TBC1D12: variants seen among roughly 807,000 people sequenced by gnomAD.
TBC1D12 encodes TBC1 domain family member 12, also known as TBC1 domain family, member 12.
In TBC1D12, 56 loss-of-function variants were observed where a neutral mutation model predicts 86.7. The observed-to-expected ratio is 0.65, with a 90% CI of 0.52 to 0.81. The LOEUF is 0.81. TBC1D12 is among the 30% of genes least tolerant of loss of function. TBC1D12 has a pLI of 0.00. For synonymous variants in TBC1D12, 421 were observed against 411.7 expected (o/e 1.02, Z -0.27); for missense variants, 1,023 against 1,038.8 (o/e 0.98, Z 0.21).
At chr10:94,505,686 A>G (rs1335944651) in intron 6 of TBC1D12, among the ~76,000 whole-genome samples, 1 of 152,208 alleles carries the variant, frequency 6.6e-6, no homozygotes, top group East Asian at 1.9e-4. Flanking sequence ...TAGAATAGTA[A>G]GAGTCTGTTT....
chr10:94,431,100 G>A (rs2055209066), intron 1 of TBC1D12, among the ~76,000 whole-genome samples: 1 of 152,086 alleles, frequency 6.6e-6, no homozygotes, highest in Non-Finnish European at 1.5e-5. Flanking sequence ...CTAACAAGAT[G>A]TATCACAGAA....
chr10:94,406,274 A>G (rs965454797), intron 1 of TBC1D12, among the ~76,000 whole-genome samples: 3 of 152,194 alleles, frequency 2.0e-5, no homozygotes, highest in Admixed American at 6.5e-5. Context: ...TGACATTCAT[A>G]TGGCCACATT....
At chr10:94,500,490 T>C (rs1037708998) in intron 6 of TBC1D12, among the ~76,000 whole-genome samples, 163 bp downstream of exon 6, 1 of 152,226 alleles carries the variant, frequency 6.6e-6, no homozygotes, top group Admixed American at 6.5e-5. Context: ...TTATTAAACC[T>C]GTTATGATTT....
At chr10:94,461,507 C>A (rs2055729805) in intron 2 of TBC1D12, among the ~76,000 whole-genome samples, 1 of 152,212 alleles carries the variant, frequency 6.6e-6, no homozygotes, top group Admixed American at 6.5e-5. Flanking sequence ...AAGGGGATTT[C>A]TTCCCCACAG....
At chr10:94,455,577 G>T (rs2055615510) in intron 2 of TBC1D12, among the ~76,000 whole-genome samples, 1 of 152,102 alleles carries the variant, frequency 6.6e-6, no homozygotes, top group South Asian at 2.1e-4. Context: ...ATGTTAGTTT[G>T]GGTATATTTC....
At chr10:94,459,008 G>A (rs2055676530) in intron 2 of TBC1D12, among the ~76,000 whole-genome samples, 1 of 152,126 alleles carries the variant, frequency 6.6e-6, no homozygotes, top group Admixed American at 6.5e-5. Context: ...TGTTGGCTCA[G>A]GTGGCCTGCT....
At chr10:94,433,087 C>T (rs917968521) in intron 1 of TBC1D12, among the ~76,000 whole-genome samples, 3 of 152,036 alleles carry the variant, frequency 2.0e-5, no homozygotes, top group Non-Finnish European at 4.4e-5. Context: ...CACCCATAGT[C>T]CCAGCTACTT....
At chr10:94,528,458 C>A (rs926076893) in intron 11 of TBC1D12, among the ~76,000 whole-genome samples, 4 of 152,124 alleles carry the variant, frequency 2.6e-5, no homozygotes, top group Non-Finnish European at 5.9e-5. Context: ...TGAAGCAATA[C>A]CCAGTAGATT....
At chr10:94,404,905 G>C (rs1389890707) in intron 1 of TBC1D12, among the ~76,000 whole-genome samples, 1 of 151,902 alleles carries the variant, frequency 6.6e-6, no homozygotes, top group African/African-American at 2.4e-5. Flanking sequence ...AAAATTAGCC[G>C]GGCATGTTGG....
chr10:94,473,525 T>C (rs115843481), intron 2 of TBC1D12, among the ~76,000 whole-genome samples: 73 of 152,326 alleles, frequency 4.8e-4, no homozygotes, highest in African/African-American at 1.7e-3. Flanking sequence ...CAATTGTAGT[T>C]AAGCAACTAA....
chr10:94,438,756 T>A (rs1431389831), intron 1 of TBC1D12, among the ~76,000 whole-genome samples: 4 of 152,158 alleles, frequency 2.6e-5, no homozygotes, highest in Non-Finnish European at 5.9e-5. Context: ...GGTCAGTTCC[T>A]AGAGTTCTAC....
intron 2 of TBC1D12, among the ~76,000 whole-genome samples, chr10:94,464,106 G>A (rs901455665): frequency 1.8e-4 from 28 of 151,924 alleles, no homozygotes; most frequent in African/African-American, 6.3e-4. Context: ...AGACATTTCT[G>A]TTTTCATCCT....
At chr10:94,467,288 G>A (rs1181078073) in intron 2 of TBC1D12, among the ~76,000 whole-genome samples, 1 of 151,884 alleles carries the variant, frequency 6.6e-6, no homozygotes, top group Non-Finnish European at 1.5e-5. Context: ...GCTGGAGTGC[G>A]GTGGCGCTAT....
intron 8 of TBC1D12, 80 bp from the exon 9 acceptor site, chr10:94,511,503 C>T (rs2056526545): frequency 1.2e-6 from 1 of 859,824 alleles, no homozygotes; most frequent in African/African-American, 1.7e-5. Flanking sequence ...GGAAATGCTA[C>T]AGTTTATTAA....
At chr10:94,428,456 T>G (rs2055175285) in intron 1 of TBC1D12, among the ~76,000 whole-genome samples, 1 of 151,030 alleles carries the variant, frequency 6.6e-6, no homozygotes, top group African/African-American at 2.4e-5. Flanking sequence ...CCTGGCTAAT[T>G]TTTATACTTT....
At chr10:94,495,007 G>C (rs956167299) in intron 4 of TBC1D12, among the ~76,000 whole-genome samples, 2 of 150,236 alleles carry the variant, frequency 1.3e-5, no homozygotes, top group African/African-American at 2.4e-5. Context: ...GATTGCAGGT[G>C]CATGCCACCA....
intron 2 of TBC1D12, among the ~76,000 whole-genome samples, chr10:94,464,694 A>G (rs947397255): frequency 6.6e-6 from 1 of 152,182 alleles, no homozygotes; most frequent in African/African-American, 2.4e-5. Context: ...AAGACCTCAA[A>G]GGGTTTTTGT....
rs934261119 is a variant in TBC1D12 at position 94,403,069 on chromosome 10, T to TCGCGGGCTGG, written c.461_470dup (p.Gly160AlafsTer40). 2.0e-6 allele frequency: 3 copies of TCGCGGGCTGG among 1,489,706 alleles called. No homozygotes were observed. The highest frequency in any genetic ancestry group is 2.7e-6 in the Non-Finnish European group (3 of 1,124,024). 92.3% of individuals were successfully genotyped at this position (1,489,706 alleles called of 1,614,324 possible). A position where few individuals can be genotyped will look rare whatever the true frequency, so the allele number is the denominator to read the frequency against. ...GGGACTGTCGCGATCTGGAAGAGGCTCGCGGGCTGGCGCGCGCCGGCGGCC... is the reference window on the plus strand; with the variant it reads ...GGGACTGTCGCGATCTGGAAGAGGCTCGCGGGCTGGCGCGGGCTGGCGCGCGCCGGCGGCC... On this transcript the variant is annotated frameshift_variant, in exon 1 of 13. Transcript: ENST00000225235. LOFTEE classifies it high-confidence loss of function.
At chr10:94,419,147 A>G (rs1330487547) in intron 1 of TBC1D12, among the ~76,000 whole-genome samples, 2 of 152,160 alleles carry the variant, frequency 1.3e-5, no homozygotes, top group East Asian at 3.9e-4. Context: ...TGCTGGGATT[A>G]CAGGCGTGAG....
Sources: allele counts gnomAD v4.1 joint callset (sites outside exome capture counted in the v4.1 genomes callset), GRCh38; gene constraint gnomAD v4.1.1; transcripts MANE v1.5; gene names NCBI Gene and HGNC (gene_info 2026-07-23, HGNC 2026-07-21).